Variants in SLC7A7 observed in about 807,000 individuals in gnomAD.
SLC7A7 encodes the protein solute carrier family 7 member 7.
A neutral mutation model predicts 47.9 loss-of-function variants in SLC7A7; 39 were observed. The observed-to-expected ratio is 0.81, with a 90% CI of 0.63 to 1.06. The LOEUF is 1.06. Ranked by LOEUF, SLC7A7 falls within the 50% of genes least tolerant of loss-of-function variation. The pLI, the probability that SLC7A7 is intolerant of heterozygous loss-of-function variation, is 0.00. For synonymous variants in SLC7A7, 234 were observed against 242.8 expected (o/e 0.96, Z 0.34); for missense variants, 588 against 632.0 (o/e 0.93, Z 0.75).
intron 2 of SLC7A7, among the ~76,000 whole-genome samples, chr14:22,810,946 C>T (rs2039296674): frequency 6.6e-6 from 1 of 152,126 alleles, no homozygotes; most frequent in African/African-American, 2.4e-5. Flanking sequence ...CCATTGCACT[C>T]CAGCCTGGGC....
chr14:22,786,854 T>G (rs778294282), intron 2 of SLC7A7, among the ~76,000 whole-genome samples: 11 of 152,032 alleles, frequency 7.2e-5, no homozygotes, highest in Non-Finnish European at 1.3e-4. Flanking sequence ...GGGGATCGCT[T>G]GAGCCCAAGT....
At chr14:22,796,183 G>C in intron 2 of SLC7A7, among the ~76,000 whole-genome samples, 1 of 151,984 alleles carries the variant, frequency 6.6e-6, no homozygotes, top group East Asian at 1.9e-4. Context: ...GGTTCAAAGG[G>C]CAAAAGTCCG....
Position 22,775,441 on chromosome 14 carries a change from T to C in SLC7A7, c.1095+3A>G, listed in dbSNP as rs1461624523. ...TTTCAGTCTCATCCTTGAGTTCACT[T>C]ACATTGAAGAGCAGAGAAGGCACTG... On this transcript the variant is annotated splice_donor_region_variant and intron_variant, in intron 7 of 9. Transcript: ENST00000674313. 6.2e-7 allele frequency: 1 copy of C among 1,613,022 alleles called. No homozygotes were observed. The highest frequency in any genetic ancestry group is 1.3e-5 in the African/African-American group (1 of 75,038).
intron 2 of SLC7A7, among the ~76,000 whole-genome samples, chr14:22,796,583 CA>C (rs1321519512): frequency 6.6e-6 from 1 of 152,186 alleles, no homozygotes; most frequent in East Asian, 1.9e-4. Flanking sequence ...ACTCTGTAAA[CA>C]AAGAGCCCTG....
In SLC7A7 at chr14:22,773,925, C is replaced by G. The variant is rs201766738; in HGVS notation, c.1429+8G>C. 1.2e-6 allele frequency: 2 copies of G among 1,613,856 alleles called. No homozygotes were observed. The highest frequency in any genetic ancestry group is 1.7e-6 in the Non-Finnish European group (2 of 1,180,016). On this transcript the variant is annotated splice_region_variant and intron_variant, in intron 9 of 9. Transcript: ENST00000674313. ...ATAGCTGAGCGGACTTAAGGATGCA[C>G]GGCTTACCCACGATCCTTCGGAGGT...
At position 22,813,218 on chromosome 14, in the gene SLC7A7, C is replaced by T. The variant is rs1440128588; in HGVS notation, c.181G>A (p.Gly61Ser). 3 of 1,613,858 alleles carry T rather than the reference C, an allele frequency of 1.9e-6. No homozygotes were observed. The highest frequency in any genetic ancestry group is 2.5e-6 in the Non-Finnish European group (3 of 1,179,894). The change falls in exon 2 of 10, where the codon GGT (glycine) becomes AGT (serine). Residue 61 changes from glycine (G) to serine (S), a missense_variant. Gly to Ser is a moderately conservative substitution (Grantham distance 56). Coordinates refer to ENST00000674313, the MANE Select transcript of SLC7A7 (RefSeq NM_003982.4). ...AAGGAGGCACTGTATATGAGCACAC[C>T]CTTGGGGGAAACAAAGATGCCCGAG... ...IGSGIFVSPK[G>S]VLIYSASFGL...
intron 4 of SLC7A7, among the ~76,000 whole-genome samples, chr14:22,777,632 G>A (rs2038639895): frequency 1.3e-5 from 2 of 152,172 alleles, no homozygotes; most frequent in South Asian, 4.1e-4. Flanking sequence ...TTTCTGTCCG[G>A]TAGGTGGAAG....
rs1234567055 is a variant in SLC7A7, at chr14:22,792,651, G to A, written c.500-12600C>T. 2.6e-5 allele frequency among the ~76,000 whole-genome samples: 4 copies of A among 152,140 alleles called. No homozygotes were observed. In the East Asian group the frequency reaches 5.8e-4, roughly 22 times the overall value. ...GTGGGCGGATCACCTGAGGTCAAGC[G>A]TTCATGACCAGCCTGACCAACATGG... On this transcript the variant is annotated intron_variant, in intron 2 of 9. Coordinates refer to ENST00000674313, the MANE Select transcript of SLC7A7 (RefSeq NM_003982.4).
At position 22,773,336 on chromosome 14, in the gene SLC7A7, A is replaced by G. The variant is rs767091960; in HGVS notation, c.*274T>C. The G allele has an allele frequency of 2.5e-5, 14 of 556,626 alleles. No individual in the cohort carries two copies. Among genetic ancestry groups the G allele is most frequent in the Non-Finnish European group, 4.8e-5 (14 of 294,104 alleles). 34.5% of individuals were successfully genotyped at this position (556,626 alleles called of 1,614,324 possible). A position where few individuals can be genotyped will look rare whatever the true frequency, so the allele number is the denominator to read the frequency against. ...CTTTTAAAAGAAAAGAGGAGTAGGT[A>G]GGCACACCCAGGTGCTTCTAAAACA... is the stretch of plus-strand genomic sequence containing the variant. On this transcript the variant is annotated 3_prime_UTR_variant, in exon 10 of 10. Coordinates refer to ENST00000674313, the MANE Select transcript of SLC7A7 (RefSeq NM_003982.4).
At chr14:22,775,346 A>T in intron 7 of SLC7A7, 98 bp downstream of exon 7, 1 of 1,001,932 alleles carries the variant, frequency 1.0e-6, no homozygotes, top group Non-Finnish European at 1.6e-6. Context: ...TTCTATTGGA[A>T]TCTTTCAGAG....
At chr14:22,787,629 G>A (rs558143839) in intron 2 of SLC7A7, among the ~76,000 whole-genome samples, 106 of 150,898 alleles carry the variant, frequency 7.0e-4, no homozygotes, top group African/African-American at 2.6e-3. Context: ...GATGGCACAC[G>A]CCTGTGGTCC....
chr14:22,788,978 T>C (rs897607678), intron 2 of SLC7A7, among the ~76,000 whole-genome samples: 4 of 152,110 alleles, frequency 2.6e-5, no homozygotes, highest in Non-Finnish European at 4.4e-5. Flanking sequence ...GCCATAAACT[T>C]ATGAGATTGC....
chr14:22,808,929 T>C (rs1240240593), intron 2 of SLC7A7, among the ~76,000 whole-genome samples: 1 of 152,242 alleles, frequency 6.6e-6, no homozygotes, highest in Non-Finnish European at 1.5e-5. Context: ...TTCATGGTTT[T>C]CACTGAATCT....
chr14:22,819,143 C>T (rs982698982), upstream of SLC7A7, among the ~76,000 whole-genome samples: 2 of 152,102 alleles, frequency 1.3e-5, no homozygotes, highest in Non-Finnish European at 2.9e-5. Flanking sequence ...ACAATTTCTC[C>T]AGGAACTAGT....
intron 2 of SLC7A7, among the ~76,000 whole-genome samples, chr14:22,789,551 C>A (rs572818967): frequency 1.3e-5 from 2 of 151,100 alleles, no homozygotes; most frequent in African/African-American, 4.9e-5. Flanking sequence ...TTGCTTGAAC[C>A]CAGGAGGCGG....
In SLC7A7 at chr14:22,780,061, AAAT is replaced by A; in HGVS notation, c.500-13_500-11del. The A allele has an allele frequency of 1.9e-6, 3 of 1,613,894 alleles. No individual in the cohort carries two copies. Among genetic ancestry groups the A allele is most frequent in the Non-Finnish European group, 2.5e-6 (3 of 1,179,870 alleles). On this transcript the variant is annotated splice_polypyrimidine_tract_variant and intron_variant, in intron 2 of 9. Coordinates refer to ENST00000674313, the MANE Select transcript of SLC7A7 (RefSeq NM_003982.4). ...ATGAAGGTTAAGAGACCTGAAAGAA[AAAT>A]AATACTGATTGGTGACTTACCCTTA...
intron 2 of SLC7A7, among the ~76,000 whole-genome samples, chr14:22,784,065 A>G (rs1594953118): frequency 6.6e-6 from 1 of 152,318 alleles, no homozygotes; most frequent in Middle Eastern, 3.4e-3. Context: ...AGCTAAGTGC[A>G]CTGCTCTTGA....
At chr14:22,811,361 A>C (rs1160720002) in intron 2 of SLC7A7, among the ~76,000 whole-genome samples, 2 of 152,200 alleles carry the variant, frequency 1.3e-5, no homozygotes, top group Non-Finnish European at 2.9e-5. Flanking sequence ...GCAGGGTGGA[A>C]GGCATCTCTA....
At chr14:22,810,039 CAAAA>C (rs34386018) in intron 2 of SLC7A7, among the ~76,000 whole-genome samples, 24,743 of 58,288 alleles carry the variant, frequency 0.42, 1,750 homozygotes, top group East Asian at 0.58. Context: ...AACACTGTCT[CAAAA>C]AAAAAAAAAA....
Sources: allele counts gnomAD v4.1 joint callset (sites outside exome capture counted in the v4.1 genomes callset), GRCh38; gene constraint gnomAD v4.1.1; transcripts MANE v1.5; gene names NCBI Gene and HGNC (gene_info 2026-07-23, HGNC 2026-07-21).